Variants in LITAF observed in about 807,000 individuals in gnomAD.
The protein encoded by LITAF is lipopolysaccharide induced TNF factor, also known as lipopolysaccharide-induced tumor necrosis factor-alpha factor.
In LITAF, 9 loss-of-function variants were observed where a neutral mutation model predicts 14.5. The observed-to-expected ratio is 0.62, with a 90% CI of 0.37 to 1.08. The LOEUF is 1.08. Ranked by LOEUF, LITAF falls within the 50% of genes least tolerant of loss-of-function variation. The pLI, the probability that LITAF is intolerant of heterozygous loss-of-function variation, is 0.01. For missense variants in LITAF, 206 were observed against 213.4 expected (o/e 0.97, Z 0.22); for synonymous variants, 98 against 88.2 (o/e 1.11, Z -0.62).
chr16:11,614,974 G>A (rs191990971), intron 3 of LITAF, among the ~76,000 whole-genome samples: 1 of 152,202 alleles, frequency 6.6e-6, no homozygotes, highest in Non-Finnish European at 1.5e-5. Flanking sequence ...TGTCAGATGG[G>A]GCCGGGTCTG....
At chr16:11,620,540 C>T (rs1430780700) in intron 3 of LITAF, among the ~76,000 whole-genome samples, 2 of 152,144 alleles carry the variant, frequency 1.3e-5, no homozygotes, top group Admixed American at 6.6e-5. Context: ...TTATAAATTA[C>T]CCAGTCACAG....
intron 1 of LITAF, among the ~76,000 whole-genome samples, chr16:11,578,869 G>A (rs2064685891): frequency 6.6e-6 from 1 of 152,206 alleles, no homozygotes; most frequent in African/African-American, 2.4e-5. Flanking sequence ...AACATAGCCA[G>A]GGTGGCTGAG....
intron 2 of LITAF, among the ~76,000 whole-genome samples, chr16:11,555,182 G>A (rs2064249207): frequency 1.3e-5 from 2 of 152,120 alleles, no homozygotes; most frequent in South Asian, 4.2e-4. Flanking sequence ...ACAGGTACAA[G>A]CCATCACACT....
chr16:11,622,970 AT>A (rs1347102284), intron 3 of LITAF, among the ~76,000 whole-genome samples: 15 of 91,482 alleles, frequency 1.6e-4, no homozygotes, highest in Middle Eastern at 0.012. Context: ...ATATATATAT[AT>A]AATTTTTTTT....
intron 1 of LITAF, among the ~76,000 whole-genome samples, chr16:11,557,757 T>A (rs912291062): frequency 2.0e-5 from 3 of 152,184 alleles, no homozygotes; most frequent in African/African-American, 7.2e-5. Context: ...AGCCTCTGTG[T>A]TATAGCTTTT....
intron 2 of LITAF, among the ~76,000 whole-genome samples, chr16:11,555,749 C>A (rs1388968668): frequency 1.3e-5 from 2 of 152,130 alleles, no homozygotes; most frequent in Admixed American, 1.3e-4. Flanking sequence ...CCTCTTCCAG[C>A]TCAAAATAAC....
Position 11,549,900 on chromosome 16 carries a change from A to G in LITAF, c.378-155T>C. On this transcript the variant is annotated intron_variant, in intron 3 of 3. Coordinates refer to ENST00000622633, the MANE Select transcript of LITAF (RefSeq NM_001136472.2). The surrounding 1 kb of genome is among the most constrained non-coding windows in gnomAD (Gnocchi z 4.6). ...GGATCATCTTGGATTATCCAGGCGGACCCCTAAAACCCAATGACCTTAGAA... is the reference window on the plus strand; with the variant it reads ...GGATCATCTTGGATTATCCAGGCGGGCCCCTAAAACCCAATGACCTTAGAA... The G allele has an allele frequency of 1.5e-6, 1 of 663,320 alleles. No homozygotes were observed. Among genetic ancestry groups the G allele is most frequent in the Non-Finnish European group, 2.8e-6 (1 of 361,800 alleles). 41.1% of individuals were successfully genotyped at this position (663,320 alleles called of 1,614,324 possible). A position where few individuals can be genotyped will look rare whatever the true frequency, so the allele number is the denominator to read the frequency against.
chr16:11,575,073 C>T (rs376537645), intron 1 of LITAF, among the ~76,000 whole-genome samples: 33 of 152,154 alleles, frequency 2.2e-4, no homozygotes, highest in African/African-American at 7.9e-4. Flanking sequence ...AAAGTGCTGG[C>T]ATTACAGGCG....
At chr16:11,571,554 C>T (rs1295773218) in intron 1 of LITAF, among the ~76,000 whole-genome samples, 1 of 152,186 alleles carries the variant, frequency 6.6e-6, no homozygotes, top group Non-Finnish European at 1.5e-5. Context: ...GCACTCTTCC[C>T]CCTCCCACAG....
intron 1 of LITAF, among the ~76,000 whole-genome samples, chr16:11,595,882 G>C (rs975179383): frequency 2.6e-5 from 4 of 152,158 alleles, no homozygotes; most frequent in East Asian, 3.8e-4. Context: ...TACTGTGTAA[G>C]ACATACTTAT....
chr16:11,639,345 T>A (rs1287831289), upstream of LITAF, among the ~76,000 whole-genome samples: 2 of 145,306 alleles, frequency 1.4e-5, no homozygotes, highest in Non-Finnish European at 3.0e-5. Context: ...GACGAATGAA[T>A]GATTAGTGGG....
upstream of LITAF, among the ~76,000 whole-genome samples, chr16:11,591,955 C>A (rs1738547589): frequency 6.6e-6 from 1 of 152,220 alleles, no homozygotes; most frequent in Non-Finnish European, 1.5e-5. Flanking sequence ...GAAGTTGGAT[C>A]TCTACCTCAC....
chr16:11,616,982 G>A, intron 3 of LITAF, among the ~76,000 whole-genome samples: 1 of 151,652 alleles, frequency 6.6e-6, no homozygotes, highest in Non-Finnish European at 1.5e-5. Flanking sequence ...CACTTTGGGA[G>A]GCCGAGGCAG....
At chr16:11,559,034 G>A (rs1431204904) in intron 1 of LITAF, among the ~76,000 whole-genome samples, 1 of 152,110 alleles carries the variant, frequency 6.6e-6, no homozygotes, top group African/African-American at 2.4e-5. Context: ...GATTACTTGA[G>A]CCCAGGAGTT....
At chr16:11,612,489 C>T (rs1230319019) in intron 3 of LITAF, among the ~76,000 whole-genome samples, 2 of 152,240 alleles carry the variant, frequency 1.3e-5, no homozygotes, top group African/African-American at 2.4e-5. Flanking sequence ...TCTGTGGGAA[C>T]GGCTGTCTGA....
chr16:11,593,467 G>A (rs1243012456), intron 1 of LITAF, among the ~76,000 whole-genome samples: 2 of 151,012 alleles, frequency 1.3e-5, no homozygotes, highest in South Asian at 2.1e-4. Context: ...TATAGCTACT[G>A]TTCCACTCCA....
upstream of LITAF, chr16:11,587,435 T>C: frequency 2.2e-6 from 1 of 451,978 alleles, no homozygotes; most frequent in African/African-American, 2.1e-5. Context: ...ACCAAGACAC[T>C]CTCTGTGCCT....
chr16:11,580,593 C>T (rs955458461), intron 1 of LITAF, among the ~76,000 whole-genome samples: 1 of 152,008 alleles, frequency 6.6e-6, no homozygotes, highest in African/African-American at 2.4e-5. Context: ...TGAAGGTCGA[C>T]ACCTGGTCAC....
intron 1 of LITAF, among the ~76,000 whole-genome samples, chr16:11,574,946 G>GCT (rs1173597180): frequency 2.6e-5 from 4 of 152,158 alleles, no homozygotes; most frequent in East Asian, 1.9e-4. Flanking sequence ...GGGATTACAG[G>GCT]TGCATGCCAC....
Sources: gnomAD v4.1 joint callset for allele counts (sites outside exome capture counted in the v4.1 genomes callset) on GRCh38, gnomAD v4.1.1 for gene constraint, Gnocchi (gnomAD v3.1) non-coding constraint, MANE v1.5 for transcripts, NCBI Gene and HGNC (gene_info 2026-07-23, HGNC 2026-07-21) for gene names.